The following MLLT10 variants were observed in gnomAD, a reference collection of about 807,000 sequenced individuals.
The protein encoded by MLLT10 is MLLT10 histone lysine methyltransferase DOT1L cofactor.
A neutral mutation model predicts 129.1 loss-of-function variants in MLLT10; 30 were observed. That is an observed-to-expected ratio of 0.23 (90% CI 0.17 to 0.32). The LOEUF is 0.32. MLLT10 is among the 10% of genes least tolerant of loss of function. The pLI is 1.00. For missense variants in MLLT10, 1,119 were observed against 1,268.3 expected, an observed-to-expected ratio of 0.88 and a Z score of 1.79; for synonymous variants, 490 against 446.4, an observed-to-expected ratio of 1.10 and a Z score of -1.23.
At chr10:21,738,900 C>A (rs1753803028) in intron 21 of MLLT10, among the ~76,000 whole-genome samples, 1 of 152,170 alleles carries the variant, frequency 6.6e-6, no homozygotes, top group South Asian at 2.1e-4. Context: ...CATCTCTGTG[C>A]TGATACTTAC....
At chr10:21,595,675 G>A (rs776332601) in intron 5 of MLLT10, 18 of 370,268 alleles carry the variant, frequency 4.9e-5, no homozygotes, top group Middle Eastern at 7.4e-4. Context: ...AGTATTCTAC[G>A]ATATACAGGA....
intron 4 of MLLT10, among the ~76,000 whole-genome samples, chr10:21,594,203 G>C (rs766015019): frequency 2.0e-5 from 3 of 151,810 alleles, no homozygotes; most frequent in Non-Finnish European, 4.4e-5. Context: ...CCCTTTTTCT[G>C]TTGGTTGTTT....
At chr10:21,537,382 C>G (rs1037211315) in intron 2 of MLLT10, among the ~76,000 whole-genome samples, 2 of 151,950 alleles carry the variant, frequency 1.3e-5, no homozygotes, top group South Asian at 2.1e-4. Flanking sequence ...ACTGCAGCCT[C>G]TACCTCCCGG....
chr10:21,735,031 G>A, intron 20 of MLLT10, 108 bp from the exon 21 acceptor site: 4 of 752,234 alleles, frequency 5.3e-6, no homozygotes, highest in Non-Finnish European at 9.0e-6. Context: ...ATTCAGAATT[G>A]TACTTAAGTT....
chr10:21,720,227 G>A (rs559520373), intron 14 of MLLT10, among the ~76,000 whole-genome samples: 30 of 152,266 alleles, frequency 2.0e-4, no homozygotes, highest in African/African-American at 6.3e-4. Context: ...TTTTGAATAC[G>A]TTAAGCTCCT....
Position 21,741,988 on chromosome 10 carries a change from T to C in MLLT10, c.*5T>C. On this transcript the variant is annotated 3_prime_UTR_variant, in exon 23 of 23. Transcript: ENST00000307729. ...GTAGCTCAAGAGAAAAGTTGACACC[T>C]GAGAAACATCTAGAAATTGCCTATC... 5 of 1,612,172 alleles carry C rather than the reference T, an allele frequency of 3.1e-6. No individual in the cohort carries two copies. The highest frequency in any genetic ancestry group is 4.2e-6 in the Non-Finnish European group (5 of 1,179,598).
intron 4 of MLLT10, among the ~76,000 whole-genome samples, chr10:21,593,926 TAAA>T (rs61561146): frequency 2.5e-3 from 113 of 45,424 alleles, no homozygotes; most frequent in African/African-American, 0.011. Flanking sequence ...GCTTTGTCTT[TAAA>T]AAAAAAAAAA....
At chr10:21,739,409 G>A (rs2058649751) in intron 21 of MLLT10, among the ~76,000 whole-genome samples, 1 of 152,014 alleles carries the variant, frequency 6.6e-6, no homozygotes, top group Admixed American at 6.6e-5. Flanking sequence ...AACTGCCCTG[G>A]GTAATCTGCT....
chr10:21,586,179 G>T (rs1249875315), intron 3 of MLLT10, 115 bp from the exon 4 acceptor site: 7 of 770,008 alleles, frequency 9.1e-6, no homozygotes, highest in Non-Finnish European at 1.5e-5. Context: ...TTCTTGGGGG[G>T]CAACTAGGAC....
At chr10:21,547,734 T>C (rs1282125673) in intron 3 of MLLT10, among the ~76,000 whole-genome samples, 1 of 152,118 alleles carries the variant, frequency 6.6e-6, no homozygotes, top group Non-Finnish European at 1.5e-5. Context: ...AGATGGGGTT[T>C]CACCATGTTG....
chr10:21,573,433 T>C (rs2040413883), intron 3 of MLLT10, among the ~76,000 whole-genome samples: 1 of 152,158 alleles, frequency 6.6e-6, no homozygotes, highest in Admixed American at 6.6e-5. Context: ...CACAGCTGAG[T>C]AGCTTCCTGA....
intron 3 of MLLT10, chr10:21,556,738 C>G: frequency 6.2e-7 from 1 of 1,611,536 alleles, no homozygotes; most frequent in Non-Finnish European, 8.5e-7. Flanking sequence ...ACCCCCGATG[C>G]CTGGTGTCTA....
At chr10:21,580,583 G>A (rs1398640912) in intron 3 of MLLT10, among the ~76,000 whole-genome samples, 4 of 151,962 alleles carry the variant, frequency 2.6e-5, no homozygotes, top group Non-Finnish European at 5.9e-5. Context: ...GTAGAGACGG[G>A]GTTTCACTGT....
intron 8 of MLLT10, among the ~76,000 whole-genome samples, chr10:21,645,496 A>G (rs894088341): frequency 6.6e-6 from 1 of 152,226 alleles, no homozygotes; most frequent in Non-Finnish European, 1.5e-5. Flanking sequence ...GAATTGAGTC[A>G]TATTAAAATA....
At chr10:21,627,257 A>G (rs2046549825) in intron 8 of MLLT10, among the ~76,000 whole-genome samples, 1 of 152,134 alleles carries the variant, frequency 6.6e-6, no homozygotes, top group South Asian at 2.1e-4. Context: ...TGCAGGGTAA[A>G]TTACAAATAA....
At chr10:21,578,412 T>C (rs2041020012) in intron 3 of MLLT10, among the ~76,000 whole-genome samples, 1 of 152,204 alleles carries the variant, frequency 6.6e-6, no homozygotes, top group Non-Finnish European at 1.5e-5. Context: ...AAATATTTCT[T>C]CCATCCTTTT....
intron 5 of MLLT10, among the ~76,000 whole-genome samples, chr10:21,598,807 C>G (rs1432168611): frequency 6.6e-6 from 1 of 150,830 alleles, no homozygotes; most frequent in East Asian, 2.0e-4. Context: ...CACTTGAGTC[C>G]TGGAGGCAGA....
chr10:21,580,902 C>T (rs1459501432), intron 3 of MLLT10, among the ~76,000 whole-genome samples: 3 of 127,152 alleles, frequency 2.4e-5, no homozygotes, highest in South Asian at 2.5e-4. Context: ...TTAGTAGAGA[C>T]GGAGTTTCAC....
At chr10:21,688,474 G>A in intron 13 of MLLT10, 2 of 1,605,052 alleles carry the variant, frequency 1.2e-6, no homozygotes, top group Non-Finnish European at 1.7e-6. Context: ...TGAAATTAAA[G>A]TGTGTCTTTT....
Sources: gnomAD v4.1 joint callset for allele counts (sites outside exome capture counted in the v4.1 genomes callset) on GRCh38, gnomAD v4.1.1 for gene constraint, MANE v1.5 for transcripts, NCBI Gene and HGNC (gene_info 2026-07-23, HGNC 2026-07-21) for gene names.